PRKN: variants seen among roughly 807,000 people sequenced by gnomAD.
PRKN encodes E3 ubiquitin-protein ligase parkin.
Under a neutral mutation model 59.5 loss-of-function variants are expected in PRKN, and 56 were observed. That is an observed-to-expected ratio of 0.94 (90% CI 0.76 to 1.18). The LOEUF (loss-of-function observed/expected upper bound fraction) is 1.18, where lower values mean the gene tolerates loss of function less well. Ranked by LOEUF, PRKN falls within the 50% of genes most tolerant of loss-of-function variation. The pLI is 0.00. For missense variants in PRKN, 657 were observed against 596.4 expected, an observed-to-expected ratio of 1.10 and a Z score of -1.06; for synonymous variants, 250 against 222.1, an observed-to-expected ratio of 1.13 and a Z score of -1.12.
At chr6:162,404,094 G>A (rs923955794) in intron 2 of PRKN, among the ~76,000 whole-genome samples, 4 of 151,974 alleles carry the variant, frequency 2.6e-5, no homozygotes, top group South Asian at 2.1e-4. Flanking sequence ...CTTTTTGGCC[G>A]GGTGCAGTGG....
chr6:161,828,430 A>C (rs1295795962), intron 6 of PRKN, among the ~76,000 whole-genome samples: 1 of 152,200 alleles, frequency 6.6e-6, no homozygotes, highest in Non-Finnish European at 1.5e-5. Context: ...GCAAACAGTG[A>C]TGCACAACAG....
chr6:161,615,483 C>A (rs967837486), intron 7 of PRKN, among the ~76,000 whole-genome samples: 2 of 152,200 alleles, frequency 1.3e-5, no homozygotes, highest in Non-Finnish European at 2.9e-5. Flanking sequence ...TAGGAAAAAA[C>A]AGCAGAGTGT....
At chr6:162,610,652 A>G (rs1782108488) in intron 1 of PRKN, among the ~76,000 whole-genome samples, 1 of 144,688 alleles carries the variant, frequency 6.9e-6, no homozygotes, top group Non-Finnish European at 1.5e-5. Context: ...CTCTCAATTT[A>G]CAAGAAGATG....
chr6:162,464,937 C>A (rs1791349231), intron 1 of PRKN, among the ~76,000 whole-genome samples: 1 of 152,122 alleles, frequency 6.6e-6, no homozygotes, highest in Admixed American at 6.6e-5. Context: ...ATTTGCTCCT[C>A]CACTAAAAAC....
At chr6:161,797,051 G>T (rs1316174993) in intron 6 of PRKN, among the ~76,000 whole-genome samples, 1 of 152,130 alleles carries the variant, frequency 6.6e-6, no homozygotes, top group Admixed American at 6.5e-5. Flanking sequence ...AATGTGCTAA[G>T]AATCAGTCCA....
chr6:162,060,110 C>T (rs1778034692), intron 4 of PRKN, among the ~76,000 whole-genome samples: 1 of 152,198 alleles, frequency 6.6e-6, no homozygotes, highest in African/African-American at 2.4e-5. Flanking sequence ...CCCTGATCTA[C>T]AGCAAATTAA....
intron 5 of PRKN, among the ~76,000 whole-genome samples, chr6:161,987,401 G>C (rs533381031): frequency 3.3e-5 from 5 of 152,240 alleles, no homozygotes; most frequent in Admixed American, 3.3e-4. Flanking sequence ...TTATACATAT[G>C]ATCATCCCTC....
At chr6:162,215,875 C>G (rs1278764287) in intron 3 of PRKN, among the ~76,000 whole-genome samples, 1 of 151,950 alleles carries the variant, frequency 6.6e-6, no homozygotes, top group Non-Finnish European at 1.5e-5. Context: ...GAAACCCCAT[C>G]TCTACTAAAA....
rs538222460 is a variant in PRKN, at chr6:162,043,810, G to C, written c.618+10281C>G. Among the ~76,000 whole-genome samples the C allele has an allele frequency of 4.3e-4, 65 of 152,286 alleles. No homozygotes were observed. In the South Asian group the frequency reaches 0.013, roughly 31 times the overall value. On this transcript the variant is annotated intron_variant, in intron 5 of 11. Coordinates refer to ENST00000366898, the MANE Select transcript of PRKN (RefSeq NM_004562.3). ...GAAAGGCAGGAAAATCTTCATACTG[G>C]ATCATCCATTTCTAGCGATTATAGA...
chr6:161,393,604 C>T lies in PRKN; in HGVS notation c.1084-6727G>A, dbSNP rs964171262. On this transcript the variant is annotated intron_variant, in intron 9 of 11. Transcript: ENST00000366898. The surrounding 1 kb of genome is among the most constrained non-coding windows in gnomAD (Gnocchi z 4.7). ...ACATTCAAAAGGGGCTGTATGTGTA[C>T]TTTCTCTGTGGAAGCATGAAAAGGA... 1.3e-5 allele frequency among the ~76,000 whole-genome samples: 2 copies of T among 152,036 alleles called. No individual in the cohort carries two copies. The highest frequency in any genetic ancestry group is 2.9e-5 in the Non-Finnish European group (2 of 68,012).
At chr6:161,595,248 A>G (rs1316700086) in intron 7 of PRKN, among the ~76,000 whole-genome samples, 1 of 152,194 alleles carries the variant, frequency 6.6e-6, no homozygotes, top group Non-Finnish European at 1.5e-5. Flanking sequence ...CAAAAAGTTG[A>G]GAGGGAAGTT....
At position 161,655,264 on chromosome 6, in the gene PRKN, C is replaced by T. The variant is rs561430301; in HGVS notation, c.872-85848G>A. Among the ~76,000 whole-genome samples, 124 of 147,288 alleles carry T rather than the reference C, an allele frequency of 8.4e-4. 1 individual carries two copies. The highest frequency in any genetic ancestry group is 3.7e-3 in the Middle Eastern group (1 of 272). On this transcript the variant is annotated intron_variant, in intron 7 of 11. Coordinates refer to ENST00000366898, the MANE Select transcript of PRKN (RefSeq NM_004562.3). ...TTCCTGGGCCCACCCATGCTCTCAG[C>T]GTCATTAGCATGGGCCTGGCCCCTC... is the stretch of plus-strand genomic sequence containing the variant.
chr6:162,625,598 T>G (rs553772336), intron 1 of PRKN, among the ~76,000 whole-genome samples: 1 of 152,148 alleles, frequency 6.6e-6, no homozygotes, highest in African/African-American at 2.4e-5. Flanking sequence ...TTTTCTACTC[T>G]GTATCTCCCT....
At chr6:161,830,241 G>GTTTTTTTTGTTTTTTGTTTT (rs1469344602) in intron 6 of PRKN, among the ~76,000 whole-genome samples, 1 of 149,468 alleles carries the variant, frequency 6.7e-6, no homozygotes, top group Non-Finnish European at 1.5e-5. Context: ...GGTTACCTTT[G>GTTTTTTTTGTTTTTTGTTTT]TTTTTTTTGT....
At chr6:161,585,163 C>T (rs1397004423) in intron 7 of PRKN, among the ~76,000 whole-genome samples, 1 of 152,214 alleles carries the variant, frequency 6.6e-6, no homozygotes, top group African/African-American at 2.4e-5. Context: ...GAGTTAAGCA[C>T]TAACATTCTC....
chr6:161,604,037 T>C (rs945709479), intron 7 of PRKN, among the ~76,000 whole-genome samples: 5 of 152,338 alleles, frequency 3.3e-5, no homozygotes, highest in East Asian at 1.9e-4. Context: ...AGAGACTTTG[T>C]CTTGGACTGC....
intron 4 of PRKN, among the ~76,000 whole-genome samples, chr6:162,188,189 A>C (rs1365345538): frequency 1.3e-5 from 2 of 152,070 alleles, no homozygotes; most frequent in Non-Finnish European, 2.9e-5. Context: ...AAATCCAATA[A>C]ACCTCTTTCT....
chr6:162,002,967 C>T (rs1782115112), intron 5 of PRKN, among the ~76,000 whole-genome samples: 2 of 152,048 alleles, frequency 1.3e-5, no homozygotes, highest in African/African-American at 4.8e-5. Flanking sequence ...CCACTGTAGT[C>T]GAGAGCAAAT....
chr6:161,787,042 T>C (rs1167318412), intron 6 of PRKN, among the ~76,000 whole-genome samples: 2 of 152,172 alleles, frequency 1.3e-5, no homozygotes, highest in Admixed American at 1.3e-4. Context: ...AGAAAGTTAT[T>C]GGAGTCTATT....
Sources: allele counts gnomAD v4.1 joint callset (sites outside exome capture counted in the v4.1 genomes callset), GRCh38; gene constraint gnomAD v4.1.1; non-coding constraint Gnocchi (gnomAD v3.1); transcripts MANE v1.5; gene names NCBI Gene and HGNC (gene_info 2026-07-23, HGNC 2026-07-21).